RBFOX1: variants seen among roughly 807,000 people sequenced by gnomAD.
RBFOX1 encodes RNA binding fox-1 homolog 1.
Under a neutral mutation model 57.7 loss-of-function variants are expected in RBFOX1, and 8 were observed. That is an observed-to-expected ratio of 0.14 (90% CI 0.08 to 0.25). The LOEUF is 0.25. RBFOX1 is among the 10% of genes least tolerant of loss of function. The pLI is 1.00. For synonymous variants in RBFOX1, 326 were observed against 222.4 expected, an observed-to-expected ratio of 1.47 and a Z score of -4.15; for missense variants, 611 against 548.5, an observed-to-expected ratio of 1.11 and a Z score of -1.14.
chr16:5,311,604 A>G (rs2064090781), intron 1 of RBFOX1, among the ~76,000 whole-genome samples: 1 of 152,270 alleles, frequency 6.6e-6, no homozygotes, highest in African/African-American at 2.4e-5. Flanking sequence ...TGCTGGAGTA[A>G]GGTGTATCTC....
In RBFOX1 at chr16:5,319,125, T is replaced by TCAAACAAACAAA. The variant is rs112510210; in HGVS notation, c.219+79037_219+79048dup. Among the ~76,000 whole-genome samples the TCAAACAAACAAA allele has an allele frequency of 3.2e-4, 48 of 151,284 alleles. No individual in the cohort carries two copies. In the East Asian group the frequency reaches 3.9e-3, roughly 12 times the overall value. On this transcript the variant is annotated intron_variant, in intron 1 of 2. Transcript: ENST00000585867. The stretch of plus-strand genomic sequence containing the variant: ...CTGGGCAACAGAGTAAGACTCTGTC[T>TCAAACAAACAAA]CAAACAAACAAACAAACAAACAAAC...
chr16:6,058,611 CATCCACCCATCCATCT>C (rs1304981859), intron 1 of RBFOX1, among the ~76,000 whole-genome samples: 4 of 151,700 alleles, frequency 2.6e-5, no homozygotes, highest in African/African-American at 9.7e-5. Context: ...TCCACCCATC[CATCCACCCATCCATCT>C]ACCCACCCAT....
At chr16:5,486,552 CCAGTTACTTGA>C (rs1164831439) in intron 2 of RBFOX1, among the ~76,000 whole-genome samples, 2 of 152,194 alleles carry the variant, frequency 1.3e-5, no homozygotes. Context: ...TCTCCACCTG[CCAGTTACTTGA>C]CAGATGTTCT....
At chr16:6,234,282 CCT>C (rs1184492358) in intron 1 of RBFOX1, among the ~76,000 whole-genome samples, 2 of 152,108 alleles carry the variant, frequency 1.3e-5, no homozygotes, top group Admixed American at 6.6e-5. Context: ...CTAAATTTCC[CCT>C]GTGTTATCTA....
rs75676506 is a variant in RBFOX1 at position 6,851,044 on chromosome 16, A to T, written c.-16+196394A>T. ...TGTGGAATACTATGTAGCAATAAAA[A>T]AGAACAAATTATTGATGATAGACAC... is the stretch of plus-strand genomic sequence containing the variant. On this transcript the variant is annotated intron_variant, in intron 3 of 15. Transcript: ENST00000550418. 6.8e-3 allele frequency among the ~76,000 whole-genome samples: 1,036 copies of T among 152,340 alleles called. 12 individuals are homozygous for T. The highest frequency in any genetic ancestry group is 0.024 in the African/African-American group (987 of 41,578).
chr16:5,985,815 C>G (rs1455524446), intron 4 of RBFOX1, among the ~76,000 whole-genome samples: 1 of 152,286 alleles, frequency 6.6e-6, no homozygotes, highest in Non-Finnish European at 1.5e-5. Context: ...CTGGCTGCCT[C>G]TGGGGGCGCA....
intron 4 of RBFOX1, among the ~76,000 whole-genome samples, chr16:5,972,279 G>A (rs735919): frequency 0.24 from 36,960 of 151,856 alleles, 4,551 homozygotes; most frequent in South Asian, 0.3. Flanking sequence ...GTTGCTAAGT[G>A]GATTCCTAGA....
chr16:6,257,543 T>C, intron 1 of RBFOX1, among the ~76,000 whole-genome samples: 1 of 152,128 alleles, frequency 6.6e-6, no homozygotes, highest in East Asian at 1.9e-4. Flanking sequence ...TACTACCCAT[T>C]AGTTATTTTT....
chr16:5,414,442 C>G (rs1395240352), intron 1 of RBFOX1, among the ~76,000 whole-genome samples: 3 of 152,158 alleles, frequency 2.0e-5, no homozygotes, highest in African/African-American at 7.2e-5. Flanking sequence ...GATTTATTCC[C>G]TCTAATCAAC....
rs567661640 is a variant in RBFOX1 at position 5,900,502 on chromosome 16, G to A, written c.351+33167G>A. ...AATGAAGATTCTGTTTCCTTTTTTA[G>A]CCCTTTTGCCCCAGAGTAGAAATCC... On this transcript the variant is annotated intron_variant, in intron 4 of 19. Coordinates refer to the RBFOX1 transcript ENST00000641259. Among the ~76,000 whole-genome samples, 21 of 152,190 alleles carry A rather than the reference G, an allele frequency of 1.4e-4. No individual in the cohort carries two copies. In the South Asian group the frequency reaches 2.3e-3, roughly 17 times the overall value.
At position 6,918,871 on chromosome 16, in the gene RBFOX1, T is replaced by C. The variant is rs79287542; in HGVS notation, c.-15-133186T>C. ...CATTGCAGGCTTGGCCCTTACCTGA[T>C]GTAACAGATGGAGGAGAAAGTGGGG... On this transcript the variant is annotated intron_variant, in intron 3 of 15. Coordinates refer to ENST00000550418, the MANE Select transcript of RBFOX1 (RefSeq NM_018723.4). 0.016 allele frequency among the ~76,000 whole-genome samples: 2,444 copies of C among 152,192 alleles called. 133 individuals carry two copies. The East Asian group carries it at 0.18, about 11-fold the overall frequency.
At chr16:7,088,945 C>G (rs986255146) in intron 4 of RBFOX1, among the ~76,000 whole-genome samples, 3 of 152,110 alleles carry the variant, frequency 2.0e-5, no homozygotes, top group African/African-American at 7.2e-5. Context: ...TCTGGTTCAA[C>G]TCAGATCTAT....
chr16:5,244,360 C>G (rs2062242568), intron 1 of RBFOX1, among the ~76,000 whole-genome samples: 1 of 152,196 alleles, frequency 6.6e-6, no homozygotes, highest in South Asian at 2.1e-4. Context: ...TCTTGGCTTT[C>G]TGCACAAGAC....
At chr16:6,709,496 C>G (rs890426830) in intron 3 of RBFOX1, among the ~76,000 whole-genome samples, 1 of 152,138 alleles carries the variant, frequency 6.6e-6, no homozygotes, top group Non-Finnish European at 1.5e-5. Flanking sequence ...AGGGGTTGAC[C>G]TACTGTTGCA....
At chr16:6,424,605 C>CTGTGTGTGTGTGTG (rs1228638690) in intron 2 of RBFOX1, among the ~76,000 whole-genome samples, 4 of 14,268 alleles carry the variant, frequency 2.8e-4, no homozygotes, top group African/African-American at 8.5e-4. Context: ...CTTAAGAGCA[C>CTGTGTGTGTGTGTG]TGTGTGTGTG....
intron 3 of RBFOX1, among the ~76,000 whole-genome samples, chr16:5,738,172 T>C (rs1237668754): frequency 6.6e-6 from 1 of 152,130 alleles, no homozygotes; most frequent in African/African-American, 2.4e-5. Context: ...AATGTTTTCA[T>C]ACATTATATT....
intron 3 of RBFOX1, among the ~76,000 whole-genome samples, chr16:5,667,157 T>G (rs1223869530): frequency 6.6e-6 from 1 of 152,250 alleles, no homozygotes; most frequent in Non-Finnish European, 1.5e-5. Context: ...TGTTGTTGCT[T>G]ACTTAGTTTT....
intron 1 of RBFOX1, among the ~76,000 whole-genome samples, chr16:5,363,460 T>G (rs1418254060): frequency 6.6e-6 from 1 of 152,200 alleles, no homozygotes; most frequent in Non-Finnish European, 1.5e-5. Context: ...CTTCTCTAGC[T>G]TCAGTTGCAG....
intron 4 of RBFOX1, among the ~76,000 whole-genome samples, chr16:7,427,750 T>A (rs1201858752): frequency 6.6e-6 from 1 of 151,938 alleles, no homozygotes; most frequent in Admixed American, 6.6e-5. Context: ...ACCTCCCGGG[T>A]TCTAGTGATT....
Sources: allele counts gnomAD v4.1 joint callset (sites outside exome capture counted in the v4.1 genomes callset), GRCh38; gene constraint gnomAD v4.1.1; transcripts MANE v1.5; gene names NCBI Gene and HGNC (gene_info 2026-07-23, HGNC 2026-07-21).